SCHIP1: variants seen among roughly 807,000 people sequenced by gnomAD.
SCHIP1 encodes the protein schwannomin interacting protein 1.
Under a neutral mutation model 29.7 loss-of-function variants are expected in SCHIP1, and 8 were observed. The observed-to-expected ratio is 0.27, with a 90% confidence interval of 0.16 to 0.49. The LOEUF is 0.49. Ranked by LOEUF, SCHIP1 falls within the 20% of genes least tolerant of loss-of-function variation. The pLI is 0.99. For missense variants in SCHIP1, 193 were observed against 294.6 expected, an observed-to-expected ratio of 0.66 and a Z score of 2.52; for synonymous variants, 76 against 94.9, an observed-to-expected ratio of 0.80 and a Z score of 1.16.
At chr3:159,768,679 G>T in the SCHIP1 span, 1 of 152,282 alleles carries the variant, frequency 6.6e-6, no homozygotes, top group Admixed American at 6.5e-5. Flanking sequence ...CAGCATGGAA[G>T]GGCCTGGGGA....
chr3:159,711,767 G>A, the SCHIP1 span, among the ~76,000 whole-genome samples: 1 of 152,184 alleles, frequency 6.6e-6, no homozygotes, highest in African/African-American at 2.4e-5. Context: ...CTTCAACACA[G>A]GGAATTAGGT....
chr3:159,569,947 G>T, the SCHIP1 span, among the ~76,000 whole-genome samples: 2 of 152,230 alleles, frequency 1.3e-5, no homozygotes, highest in Non-Finnish European at 2.9e-5. Context: ...TCATGTGTCT[G>T]TTGGCAGCAT....
chr3:159,379,346 C>T, the SCHIP1 span, among the ~76,000 whole-genome samples: 4 of 151,906 alleles, frequency 2.6e-5, no homozygotes, highest in Admixed American at 6.6e-5. Flanking sequence ...CTCAGCCTCC[C>T]GAGCAGCTGG....
chr3:159,417,092 G>A, the SCHIP1 span, among the ~76,000 whole-genome samples: 6 of 152,216 alleles, frequency 3.9e-5, no homozygotes, highest in Admixed American at 1.3e-4. Flanking sequence ...GAAAGCTTCC[G>A]CAGCACTGGC....
the SCHIP1 span, among the ~76,000 whole-genome samples, chr3:159,713,241 A>AAAG: frequency 1.1e-5 from 1 of 88,076 alleles, no homozygotes. Flanking sequence ...AGGAAGAAAG[A>AAAG]AAGAAAGAAA....
the SCHIP1 span, among the ~76,000 whole-genome samples, chr3:159,464,290 T>TAG: frequency 6.6e-6 from 1 of 152,152 alleles, no homozygotes; most frequent in African/African-American, 2.4e-5. Flanking sequence ...TAGAAAAAGG[T>TAG]AACTGGGGTA....
the SCHIP1 span, among the ~76,000 whole-genome samples, chr3:159,803,430 T>A: frequency 6.6e-6 from 1 of 152,294 alleles, no homozygotes; most frequent in Admixed American, 6.5e-5. Context: ...TGAGCACCTG[T>A]TTTTCAGTGA....
At chr3:159,438,466 C>T in the SCHIP1 span, among the ~76,000 whole-genome samples, 2 of 152,134 alleles carry the variant, frequency 1.3e-5, no homozygotes, top group East Asian at 1.9e-4. Context: ...GGTTCTGCTC[C>T]TCTTCTGCAG....
At chr3:159,815,524 G>A in the SCHIP1 span, among the ~76,000 whole-genome samples, 29 of 152,278 alleles carry the variant, frequency 1.9e-4, no homozygotes, top group Admixed American at 9.8e-4. Context: ...TGGGCTGTGG[G>A]AATAAGAGTG....
At chr3:159,371,983 G>A in the SCHIP1 span, among the ~76,000 whole-genome samples, 2 of 151,922 alleles carry the variant, frequency 1.3e-5, no homozygotes, top group South Asian at 2.1e-4. Context: ...TTTCCCAATG[G>A]CATCATCTCA....
At chr3:159,299,566 G>T in the SCHIP1 span, among the ~76,000 whole-genome samples, 7 of 152,114 alleles carry the variant, frequency 4.6e-5, no homozygotes, top group East Asian at 1.2e-3. Flanking sequence ...TTGCCAGAAC[G>T]TAAAAAAAGA....
At chr3:159,634,404 T>C in the SCHIP1 span, among the ~76,000 whole-genome samples, 1 of 152,120 alleles carries the variant, frequency 6.6e-6, no homozygotes, top group African/African-American at 2.4e-5. Flanking sequence ...TGTATCAGAT[T>C]TCATCAAAAT....
chr3:159,878,799 A>T (rs1223993079), intron 2 of SCHIP1, among the ~76,000 whole-genome samples: 1 of 148,848 alleles, frequency 6.7e-6, no homozygotes, highest in Non-Finnish European at 1.5e-5. Context: ...AAAATAAAAT[A>T]AAAAAATAAA....
At chr3:159,514,157 C>T in the SCHIP1 span, among the ~76,000 whole-genome samples, 1 of 152,066 alleles carries the variant, frequency 6.6e-6, no homozygotes, top group African/African-American at 2.4e-5. Flanking sequence ...ACAGGCAGGT[C>T]CAGAACACAA....
the SCHIP1 span, among the ~76,000 whole-genome samples, chr3:159,819,269 G>A: frequency 3.8e-4 from 58 of 151,982 alleles, no homozygotes; most frequent in African/African-American, 1.4e-3. Context: ...GAAAGAGATG[G>A]ATGGATGAAG....
At chr3:159,704,741 A>C in the SCHIP1 span, among the ~76,000 whole-genome samples, 1 of 152,208 alleles carries the variant, frequency 6.6e-6, no homozygotes, top group East Asian at 1.9e-4. Context: ...TATGTTATTG[A>C]GGCCAAAAGA....
chr3:159,700,489 A>G, the SCHIP1 span, among the ~76,000 whole-genome samples: 189 of 152,318 alleles, frequency 1.2e-3, no homozygotes, highest in African/African-American at 4.5e-3. Flanking sequence ...GTATGTAGGT[A>G]AGTGTTCACT....
chr3:159,778,965 A>T, the SCHIP1 span, among the ~76,000 whole-genome samples: 1 of 152,218 alleles, frequency 6.6e-6, no homozygotes, highest in Non-Finnish European at 1.5e-5. Flanking sequence ...GGACAGCCAC[A>T]AGTTCTCACT....
At chr3:159,653,027 G>A in the SCHIP1 span, among the ~76,000 whole-genome samples, 1 of 152,178 alleles carries the variant, frequency 6.6e-6, no homozygotes, top group African/African-American at 2.4e-5. Context: ...GGCGAAGGAG[G>A]GGATGAAGAG....
Sources: gnomAD v4.1 joint callset for allele counts (sites outside exome capture counted in the v4.1 genomes callset) on GRCh38, gnomAD v4.1.1 for gene constraint, MANE v1.5 for transcripts, NCBI Gene and HGNC (gene_info 2026-07-23, HGNC 2026-07-21) for gene names.